CACNA2D3: variants seen among roughly 807,000 people sequenced by gnomAD.
The protein encoded by CACNA2D3 is voltage-dependent calcium channel subunit alpha-2/delta-3.
In CACNA2D3, 60 loss-of-function variants were observed where a neutral mutation model predicts 160.6. The observed-to-expected ratio is 0.37, with a 90% CI of 0.30 to 0.46. The LOEUF is 0.46. Ranked by LOEUF, CACNA2D3 falls within the 20% of genes least tolerant of loss-of-function variation. The pLI is 1.00. For synonymous variants in CACNA2D3, 558 were observed against 492.9 expected, an observed-to-expected ratio of 1.13 and a Z score of -1.75; for missense variants, 1,205 against 1,365.0, an observed-to-expected ratio of 0.88 and a Z score of 1.85.
At chr3:54,596,137 C>G (rs1024476210) in intron 9 of CACNA2D3, among the ~76,000 whole-genome samples, 18 of 152,112 alleles carry the variant, frequency 1.2e-4, no homozygotes, top group Admixed American at 7.2e-4. Context: ...AAACCTACAC[C>G]TACAAGCCAT....
chr3:54,980,809 A>G (rs1702490697), intron 29 of CACNA2D3, among the ~76,000 whole-genome samples: 1 of 152,232 alleles, frequency 6.6e-6, no homozygotes, highest in African/African-American at 2.4e-5. Flanking sequence ...AGCAAAGCTA[A>G]TATCTGACTT....
intron 30 of CACNA2D3, among the ~76,000 whole-genome samples, chr3:54,985,517 T>A (rs1260084571): frequency 1.3e-5 from 2 of 152,230 alleles, no homozygotes; most frequent in Admixed American, 1.3e-4. Flanking sequence ...GCTCTCTTCC[T>A]TAACTAGTTT....
intron 4 of CACNA2D3, among the ~76,000 whole-genome samples, chr3:54,388,195 TC>T (rs1699221945): frequency 6.6e-6 from 1 of 152,220 alleles, no homozygotes; most frequent in South Asian, 2.1e-4. Flanking sequence ...AACTAGGGTT[TC>T]CAGAACTCAG....
chr3:54,230,517 G>T (rs1701749460), intron 2 of CACNA2D3, among the ~76,000 whole-genome samples: 1 of 152,164 alleles, frequency 6.6e-6, no homozygotes, highest in South Asian at 2.1e-4. Context: ...ATGAATAAAA[G>T]GCTCATCTCA....
At chr3:54,761,063 C>A (rs999517643) in intron 12 of CACNA2D3, among the ~76,000 whole-genome samples, 6 of 138,714 alleles carry the variant, frequency 4.3e-5, no homozygotes, top group Non-Finnish European at 8.4e-5. Flanking sequence ...TGATTGTTTT[C>A]CCCCAACTCC....
Position 54,649,617 on chromosome 3 carries a change from C to G in CACNA2D3, c.1167+7376C>G, listed in dbSNP as rs111318226. On this transcript the variant is annotated intron_variant, in intron 11 of 37. Transcript: ENST00000474759. ...TTTGGGTTGTAAACTGCTGCCTTCT[C>G]TTGGTATCCTCACCTGGCATTGAGT... 3.9e-3 allele frequency among the ~76,000 whole-genome samples: 595 copies of G among 152,300 alleles called. 2 individuals carry two copies. Among genetic ancestry groups the G allele is most frequent in the African/African-American group, 0.014 (563 of 41,574 alleles).
At chr3:54,345,240 T>A (rs1359624841) in intron 3 of CACNA2D3, among the ~76,000 whole-genome samples, 1 of 152,212 alleles carries the variant, frequency 6.6e-6, no homozygotes, top group Non-Finnish European at 1.5e-5. Context: ...TTGAGCGAGA[T>A]CCAAGAACCC....
intron 31 of CACNA2D3, among the ~76,000 whole-genome samples, chr3:54,994,868 C>T (rs1199237587): frequency 6.6e-6 from 1 of 152,234 alleles, no homozygotes; most frequent in Non-Finnish European, 1.5e-5. Flanking sequence ...TTCATGTCTT[C>T]TCCATAGTTG....
chr3:54,872,861 A>G (rs1260554304), intron 18 of CACNA2D3, among the ~76,000 whole-genome samples: 1 of 152,150 alleles, frequency 6.6e-6, no homozygotes, highest in African/African-American at 2.4e-5. Context: ...TCAGCTCAAT[A>G]GCATGGTCGA....
At chr3:54,126,539 T>G (rs1699594393) in intron 2 of CACNA2D3, among the ~76,000 whole-genome samples, 1 of 152,242 alleles carries the variant, frequency 6.6e-6, no homozygotes, top group Non-Finnish European at 1.5e-5. Flanking sequence ...ATTTTTTTCT[T>G]CTGTCTTTAC....
chr3:54,410,376 A>G (rs1226767057), intron 4 of CACNA2D3, among the ~76,000 whole-genome samples: 3 of 151,704 alleles, frequency 2.0e-5, no homozygotes, highest in Non-Finnish European at 4.4e-5. Context: ...AAAAAAAGAG[A>G]GAGGAGAATT....
intron 35 of CACNA2D3, among the ~76,000 whole-genome samples, chr3:55,066,155 C>T (rs886142014): frequency 9.9e-5 from 15 of 152,176 alleles, no homozygotes; most frequent in Admixed American, 1.3e-4. Flanking sequence ...CCACTTTCCA[C>T]CTCCAAGGAG....
At chr3:54,739,746 CAT>C (rs1296480223) in intron 11 of CACNA2D3, among the ~76,000 whole-genome samples, 1 of 102,292 alleles carries the variant, frequency 9.8e-6, no homozygotes, top group Admixed American at 1.1e-4. Context: ...CCCTTCTCCT[CAT>C]ATATGTGTGT....
chr3:54,821,534 C>T (rs1018199572), intron 14 of CACNA2D3, among the ~76,000 whole-genome samples: 2 of 152,070 alleles, frequency 1.3e-5, no homozygotes. Flanking sequence ...TAATTTCTCC[C>T]CCTGAGTGCA....
At chr3:54,924,045 C>T (rs1700938279) in intron 27 of CACNA2D3, among the ~76,000 whole-genome samples, 1 of 152,226 alleles carries the variant, frequency 6.6e-6, no homozygotes, top group Admixed American at 6.5e-5. Context: ...AGTCCCTCAT[C>T]TTTAATAGTC....
rs534421969 is a variant in CACNA2D3 at position 54,387,357 on chromosome 3, A to G, written c.381+583A>G. Among the ~76,000 whole-genome samples, 6 of 152,322 alleles carry G rather than the reference A, an allele frequency of 3.9e-5. No homozygotes were observed. The East Asian group carries it at 1.2e-3, about 29-fold the overall frequency. On this transcript the variant is annotated intron_variant, in intron 4 of 37. Transcript: ENST00000474759. ...AAGGGCAACAAGTTAATTAAATAAT[A>G]CTTGGAGGTTCCAGCTGGGTGTGGT...
intron 3 of CACNA2D3, among the ~76,000 whole-genome samples, chr3:54,356,171 C>T (rs1188857287): frequency 6.6e-6 from 1 of 152,066 alleles, no homozygotes; most frequent in Non-Finnish European, 1.5e-5. Flanking sequence ...TTTGACAGGG[C>T]CAGGATCAAC....
intron 4 of CACNA2D3, among the ~76,000 whole-genome samples, chr3:54,501,544 C>G (rs956524147): frequency 6.6e-6 from 1 of 151,622 alleles, no homozygotes; most frequent in African/African-American, 2.4e-5. Flanking sequence ...GTAGCTGGGA[C>G]TACAGGCGGG....
intron 16 of CACNA2D3, among the ~76,000 whole-genome samples, chr3:54,840,707 C>T (rs1698800271): frequency 6.8e-6 from 1 of 147,962 alleles, no homozygotes. Context: ...CTGCACCCTG[C>T]CAAGAGCCAT....
Sources: gnomAD v4.1 joint callset for allele counts (sites outside exome capture counted in the v4.1 genomes callset) on GRCh38, gnomAD v4.1.1 for gene constraint, MANE v1.5 for transcripts, NCBI Gene and HGNC (gene_info 2026-07-23, HGNC 2026-07-21) for gene names.